Variants in ACSF2 observed in about 807,000 individuals in gnomAD.
ACSF2 encodes the protein acyl-CoA synthetase family member 2, also known as medium-chain acyl-CoA ligase ACSF2, mitochondrial.
Under a neutral mutation model 79.3 loss-of-function variants are expected in ACSF2, and 52 were observed. That is an observed-to-expected ratio of 0.66 (90% CI 0.53 to 0.83). The LOEUF is 0.83. Among genes scored for constraint, ACSF2 ranks in the 40% least tolerant of loss-of-function variants. The probability of loss-of-function intolerance (pLI) is 0.00; values close to 1 mark genes in which losing one functional copy is unlikely to be tolerated. For missense variants in ACSF2, 661 were observed against 803.3 expected (o/e 0.82, Z 2.14); for synonymous variants, 283 against 312.6 (o/e 0.91, Z 1.00).
At chr17:50,453,780 C>CTGTTGT (rs913313298) in intron 1 of ACSF2, among the ~76,000 whole-genome samples, 1 of 150,178 alleles carries the variant, frequency 6.7e-6, no homozygotes, top group Non-Finnish European at 1.5e-5. Flanking sequence ...TGTGTGTGTG[C>CTGTTGT]TGTTGTTGTT....
chr17:50,436,323 G>T (rs1002283440), intron 1 of ACSF2, among the ~76,000 whole-genome samples: 12 of 152,002 alleles, frequency 7.9e-5, no homozygotes, highest in African/African-American at 2.7e-4. Context: ...TAGAGACGGG[G>T]TTTCACCGTG....
At chr17:50,469,000 C>T (rs975421529) in intron 10 of ACSF2, 167 of 1,359,486 alleles carry the variant, frequency 1.2e-4, no homozygotes, top group Non-Finnish European at 1.5e-4. Flanking sequence ...CAGAGATGCG[C>T]CCCCGCCCTC....
chr17:50,468,309 C>G (rs1218142314), intron 10 of ACSF2: 3 of 1,613,924 alleles, frequency 1.9e-6, no homozygotes, highest in East Asian at 2.2e-5. Context: ...TCCTTGGCTC[C>G]CTGGAAGGCG....
Position 50,461,226 on chromosome 17 carries a change from C to G in ACSF2, c.325-16C>G, listed in dbSNP as rs760407177. On this transcript the variant is annotated splice_polypyrimidine_tract_variant and intron_variant, in intron 2 of 15. Coordinates refer to ENST00000300441, the MANE Select transcript of ACSF2 (RefSeq NM_025149.6). ...CTTGCCCCCTTTCACCCCTTGCGCCCCATCTTTTACACTAGGTGGACAAAG... is the reference window on the plus strand; with the variant it reads ...CTTGCCCCCTTTCACCCCTTGCGCCGCATCTTTTACACTAGGTGGACAAAG... 2 of 1,614,056 alleles carry G rather than the reference C, an allele frequency of 1.2e-6. No individual in the cohort carries two copies. The highest frequency in any genetic ancestry group is 1.7e-5 in the Admixed American group (1 of 60,004).
At chr17:50,465,651 A>G (rs1343688176) in intron 10 of ACSF2, 1 of 1,591,706 alleles carries the variant, frequency 6.3e-7, no homozygotes, top group Non-Finnish European at 8.6e-7. Context: ...GTGCAGGGCT[A>G]ATGTGCCTCT....
chr17:50,453,168 C>G (rs2031779993), intron 1 of ACSF2, among the ~76,000 whole-genome samples: 2 of 152,120 alleles, frequency 1.3e-5, no homozygotes, highest in Admixed American at 1.3e-4. Flanking sequence ...GCTTCTTTAC[C>G]TGTGGAATGG....
chr17:50,440,512 G>A (rs759494579), intron 1 of ACSF2, among the ~76,000 whole-genome samples: 5 of 152,242 alleles, frequency 3.3e-5, no homozygotes, highest in African/African-American at 4.8e-5. Flanking sequence ...TGTTTGCCCA[G>A]GCATTTGCAA....
intron 1 of ACSF2, among the ~76,000 whole-genome samples, chr17:50,438,545 AT>A (rs1041451158): frequency 6.6e-6 from 1 of 151,176 alleles, no homozygotes; most frequent in African/African-American, 2.4e-5. Context: ...ACTTTGTGGA[AT>A]TTTTTTTTCC....
rs201607757 is a variant in ACSF2, at chr17:50,472,472, C to G, written c.1368C>G (p.Asn456Lys). Residue 456 changes from asparagine (N) to lysine (K), a missense_variant, in exon 12 of 16, where the codon AAC (asparagine) becomes AAG (lysine). Transcript: ENST00000300441. The part of the protein sequence containing the change: ...NMEAGTLAKL[N>K]TPGELCIRGY... ...AGGCAGGGACGCTGGCAAAGCTGAA[C>G]ACGCCCGGGGAGCTGTGCATCCGAG... 6.2e-7 allele frequency: 1 copy of G among 1,612,784 alleles called. No individual in the cohort carries two copies. Among genetic ancestry groups the G allele is most frequent in the Non-Finnish European group, 8.5e-7 (1 of 1,179,414 alleles).
At chr17:50,447,110 T>G (rs896838448) in intron 1 of ACSF2, among the ~76,000 whole-genome samples, 1 of 152,224 alleles carries the variant, frequency 6.6e-6, no homozygotes, top group Non-Finnish European at 1.5e-5. Context: ...CTCACAGAGT[T>G]ACCCTATGTC....
At chr17:50,470,527 G>C (rs1399628923) in intron 10 of ACSF2, among the ~76,000 whole-genome samples, 1 of 152,118 alleles carries the variant, frequency 6.6e-6, no homozygotes, top group African/African-American at 2.4e-5. Context: ...ACTTGTTCAG[G>C]GTTTGCAGAA....
At chr17:50,429,682 C>G (rs190737999) in intron 1 of ACSF2, among the ~76,000 whole-genome samples, 50 of 152,112 alleles carry the variant, frequency 3.3e-4, no homozygotes, top group Non-Finnish European at 5.0e-4. Context: ...ACCCGCCCAG[C>G]TAATTTTGTA....
Position 50,468,432 on chromosome 17 carries a change from G to C in ACSF2, c.1216-2596G>C. On this transcript the variant is annotated intron_variant, in intron 10 of 15. Coordinates refer to ENST00000300441, the MANE Select transcript of ACSF2 (RefSeq NM_025149.6). ...GTGACCTTGTTGTGGTCCAGGTAGA[G>C]GTAGGTCAGCTCGGTCAGGTCGTCG... 6 of 1,614,278 alleles carry C rather than the reference G, an allele frequency of 3.7e-6. No individual in the cohort carries two copies. In the South Asian group the frequency reaches 6.6e-5, roughly 18 times the overall value.
Position 50,463,371 on chromosome 17 carries a change from C to G in ACSF2, c.889-24C>G. On this transcript the variant is annotated intron_variant, in intron 7 of 15. Coordinates refer to ENST00000300441, the MANE Select transcript of ACSF2 (RefSeq NM_025149.6). This position sits in a 1 kb window ranked among gnomAD's most constrained non-coding sequence, Gnocchi z 4.6. ...ACTGGCGTCTGGCTCCAAGACAGACCCAGCCTCCTGTCTCCATCACCAGAC... is the reference window on the plus strand; with the variant it reads ...ACTGGCGTCTGGCTCCAAGACAGACGCAGCCTCCTGTCTCCATCACCAGAC... The G allele has an allele frequency of 1.2e-6, 2 of 1,612,270 alleles. No individual in the cohort carries two copies. Among genetic ancestry groups the G allele is most frequent in the Non-Finnish European group, 1.7e-6 (2 of 1,178,942 alleles).
In ACSF2 at chr17:50,463,896, G is replaced by A. The variant is rs375884059; in HGVS notation, c.1125G>A (p.Ser375=). ...CAGACTTCTCCAGTTATGACATCTC[G>A]ACCATGTGTGGAGGTGGGGTGGGGC... is the stretch of plus-strand genomic sequence containing the variant. ...NQPDFSSYDI[S]TMCGGVIAGS... is the part of the protein sequence containing the mutation. Residue 375 remains serine, a synonymous_variant, in exon 9 of 16, where the codon TCG becomes TCA. Coordinates refer to ENST00000300441, the MANE Select transcript of ACSF2 (RefSeq NM_025149.6). This position sits in a 1 kb window ranked among gnomAD's most constrained non-coding sequence, Gnocchi z 4.6. 3.0e-5 allele frequency: 49 copies of A among 1,614,034 alleles called. No homozygotes were observed. Among genetic ancestry groups the A allele is most frequent in the African/African-American group, 1.7e-4 (13 of 75,026 alleles).
In ACSF2 at chr17:50,474,753, T is replaced by C. The variant is rs949020317; in HGVS notation, c.*201T>C. 6.9e-6 allele frequency: 4 copies of C among 582,622 alleles called. No homozygotes were observed. The East Asian group carries it at 8.8e-5, about 13-fold the overall frequency. 36.1% of individuals were successfully genotyped at this position (582,622 alleles called of 1,614,324 possible). ...ACAAGGTGCCAAAAGGCAGGCAGCC[T>C]GCCCAGGCCCTCCCTCCTGTCCATC... is the stretch of plus-strand genomic sequence containing the variant. On this transcript the variant is annotated 3_prime_UTR_variant, in exon 16 of 16. Transcript: ENST00000300441. This position sits in a 1 kb window ranked among gnomAD's most constrained non-coding sequence, Gnocchi z 4.2.
intron 1 of ACSF2, among the ~76,000 whole-genome samples, chr17:50,447,932 G>A (rs1222197604): frequency 6.6e-6 from 1 of 152,214 alleles, no homozygotes; most frequent in Non-Finnish European, 1.5e-5. Flanking sequence ...TGTGGCCTTA[G>A]CTCAGCCTGA....
chr17:50,470,819 C>A, intron 10 of ACSF2: 1 of 505,450 alleles, frequency 2.0e-6, no homozygotes, highest in Non-Finnish European at 3.6e-6. Context: ...TCTTTCAGAT[C>A]TGGGGCCCTG....
At chr17:50,431,787 G>A (rs75542571) in intron 1 of ACSF2, among the ~76,000 whole-genome samples, 2,452 of 152,202 alleles carry the variant, frequency 0.016, 81 homozygotes, top group African/African-American at 0.055. Flanking sequence ...TGCTGATCCC[G>A]GCCTCTATTT....
Sources: allele counts gnomAD v4.1 joint callset (sites outside exome capture counted in the v4.1 genomes callset), GRCh38; gene constraint gnomAD v4.1.1; non-coding constraint Gnocchi (gnomAD v3.1); transcripts MANE v1.5; gene names NCBI Gene and HGNC (gene_info 2026-07-23, HGNC 2026-07-21).